Variants in FHIT observed in about 807,000 individuals in gnomAD.
FHIT encodes the protein bis(5'-adenosyl)-triphosphatase.
FHIT carries 19 observed loss-of-function variants against 17.9 expected under a neutral mutation model. The ratio of observed to expected loss-of-function variants is 1.06; its 90% CI spans 0.74 to 1.56. The LOEUF is 1.56. Among genes scored for constraint, FHIT ranks in the 40% most tolerant of loss-of-function variants. FHIT has a pLI of 0.00. For synonymous variants in FHIT, 81 were observed against 69.7 expected, an observed-to-expected ratio of 1.16 and a Z score of -0.81; for missense variants, 248 against 189.2, an observed-to-expected ratio of 1.31 and a Z score of -1.82.
At chr3:60,574,548 C>T (rs72885788) in intron 4 of FHIT, among the ~76,000 whole-genome samples, 2 of 151,952 alleles carry the variant, frequency 1.3e-5, no homozygotes, top group Admixed American at 6.6e-5. Flanking sequence ...GGAGCACTCA[C>T]GCATTCTATA....
chr3:59,860,068 C>G (rs1702341114), intron 8 of FHIT, among the ~76,000 whole-genome samples: 2 of 152,074 alleles, frequency 1.3e-5, no homozygotes, highest in Non-Finnish European at 2.9e-5. Flanking sequence ...GGTGGATAAT[C>G]AGGGTGAAAG....
At chr3:60,169,395 T>A (rs771233770) in intron 5 of FHIT, among the ~76,000 whole-genome samples, 4 of 152,186 alleles carry the variant, frequency 2.6e-5, no homozygotes, top group African/African-American at 9.6e-5. Context: ...AGCAAAAGCA[T>A]GTTGGCTAAT....
intron 5 of FHIT, among the ~76,000 whole-genome samples, chr3:60,018,342 C>T (rs1700424007): frequency 6.6e-6 from 1 of 152,162 alleles, no homozygotes; most frequent in African/African-American, 2.4e-5. Context: ...TTAGACCCTA[C>T]CGCCAACATC....
intron 4 of FHIT, among the ~76,000 whole-genome samples, chr3:60,603,436 A>G (rs1465471779): frequency 1.3e-5 from 2 of 152,008 alleles, no homozygotes; most frequent in East Asian, 1.9e-4. Context: ...CCATTTTACT[A>G]TCTTCCTATC....
At chr3:60,727,457 C>T (rs1476022057) in intron 4 of FHIT, among the ~76,000 whole-genome samples, 1 of 152,090 alleles carries the variant, frequency 6.6e-6, no homozygotes, top group African/African-American at 2.4e-5. Context: ...CAGCTAACAG[C>T]AATAGAAGCA....
intron 5 of FHIT, among the ~76,000 whole-genome samples, chr3:60,305,695 A>G (rs1379709294): frequency 6.6e-6 from 1 of 152,190 alleles, no homozygotes; most frequent in Non-Finnish European, 1.5e-5. Flanking sequence ...TTAGAGAAGT[A>G]CCATTAACAG....
At chr3:60,145,400 A>T (rs958546009) in intron 5 of FHIT, among the ~76,000 whole-genome samples, 5 of 152,174 alleles carry the variant, frequency 3.3e-5, no homozygotes, top group African/African-American at 1.2e-4. Context: ...GGCACATAAT[A>T]GCCAGCAACA....
chr3:60,227,605 C>G (rs917174974), intron 5 of FHIT, among the ~76,000 whole-genome samples: 2 of 152,184 alleles, frequency 1.3e-5, no homozygotes, highest in African/African-American at 2.4e-5. Context: ...TCAACGAACA[C>G]TGATTTAATC....
chr3:59,945,251 G>C (rs754471406), intron 7 of FHIT, among the ~76,000 whole-genome samples: 4 of 152,082 alleles, frequency 2.6e-5, no homozygotes, highest in Non-Finnish European at 4.4e-5. Context: ...TTGTGTTTTT[G>C]ATTTGCATTT....
At chr3:61,151,854 A>G (rs1252888107) in intron 2 of FHIT, among the ~76,000 whole-genome samples, 1 of 152,152 alleles carries the variant, frequency 6.6e-6, no homozygotes, top group African/African-American at 2.4e-5. Flanking sequence ...AAGTACTGGG[A>G]TTATAGGCAT....
chr3:60,682,122 C>T (rs1199149458), intron 4 of FHIT, among the ~76,000 whole-genome samples: 3 of 152,100 alleles, frequency 2.0e-5, no homozygotes, highest in Non-Finnish European at 2.9e-5. Context: ...CAGGTGCCCA[C>T]CACTACGCCC....
intron 5 of FHIT, among the ~76,000 whole-genome samples, chr3:60,221,705 T>G (rs959392585): frequency 1.3e-5 from 2 of 152,106 alleles, no homozygotes; most frequent in Non-Finnish European, 2.9e-5. Context: ...TCCACACTTT[T>G]AGCATTTCAT....
chr3:59,975,359 A>G (rs2107405215), intron 7 of FHIT, among the ~76,000 whole-genome samples: 2 of 152,216 alleles, frequency 1.3e-5, no homozygotes, highest in South Asian at 4.2e-4. Flanking sequence ...TACCTCTAAA[A>G]GGGAGATGAT....
chr3:60,527,434 T>C (rs241703), intron 5 of FHIT, among the ~76,000 whole-genome samples: 25,405 of 152,158 alleles, frequency 0.17, 2,598 homozygotes, highest in Middle Eastern at 0.22. Flanking sequence ...TAAAAAGAAG[T>C]TCTTGATAAC....
At chr3:59,856,873 T>C (rs1419107207) in intron 8 of FHIT, among the ~76,000 whole-genome samples, 1 of 31,312 alleles carries the variant, frequency 3.2e-5, no homozygotes, top group African/African-American at 2.9e-4. Context: ...GGCTGAGTAT[T>C]TTTTTTTTTT....
At chr3:60,548,458 C>G (rs1267330172) in intron 4 of FHIT, among the ~76,000 whole-genome samples, 1 of 152,138 alleles carries the variant, frequency 6.6e-6, no homozygotes, top group African/African-American at 2.4e-5. Context: ...GAAACTCAGG[C>G]CTTCAGCAAA....
intron 2 of FHIT, among the ~76,000 whole-genome samples, chr3:61,108,427 G>C (rs2036054558): frequency 2.0e-5 from 3 of 152,216 alleles, no homozygotes; most frequent in Admixed American, 2.0e-4. Flanking sequence ...ACAGAGCAAA[G>C]TCTTTGCCCT....
At chr3:59,987,891 G>A (rs1709055901) in intron 7 of FHIT, among the ~76,000 whole-genome samples, 1 of 152,004 alleles carries the variant, frequency 6.6e-6, no homozygotes, top group East Asian at 1.9e-4. Context: ...CCTATATCAA[G>A]AAGCCTTAGG....
At chr3:59,789,196 G>C (rs1385957422) in intron 8 of FHIT, among the ~76,000 whole-genome samples, 2 of 152,098 alleles carry the variant, frequency 1.3e-5, no homozygotes, top group African/African-American at 4.8e-5. Context: ...TTAAAGCCCA[G>C]ATAGTAGGGG....
Sources: allele counts gnomAD v4.1 joint callset (sites outside exome capture counted in the v4.1 genomes callset), GRCh38; gene constraint gnomAD v4.1.1; transcripts MANE v1.5; gene names NCBI Gene and HGNC (gene_info 2026-07-23, HGNC 2026-07-21).